RNF169: variants seen among roughly 807,000 people sequenced by gnomAD.
The protein encoded by RNF169 is ring finger protein 169.
Under a neutral mutation model 53.9 loss-of-function variants are expected in RNF169, and 24 were observed. That is an observed-to-expected ratio of 0.45 (90% CI 0.32 to 0.63). RNF169 has a LOEUF of 0.63. Among genes scored for constraint, RNF169 ranks in the 20% least tolerant of loss-of-function variants. RNF169 has a pLI of 0.04. For missense variants in RNF169, 883 were observed against 906.2 expected, an observed-to-expected ratio of 0.97 and a Z score of 0.33; for synonymous variants, 396 against 363.5, an observed-to-expected ratio of 1.09 and a Z score of -1.02.
chr11:74,827,735 G>A (rs1364691251), intron 4 of RNF169, among the ~76,000 whole-genome samples: 1 of 152,110 alleles, frequency 6.6e-6, no homozygotes, highest in African/African-American at 2.4e-5. Context: ...AAAACCATAT[G>A]ATTATCTCAA....
chr11:74,796,636 T>A (rs534200973), intron 2 of RNF169, among the ~76,000 whole-genome samples: 1 of 152,190 alleles, frequency 6.6e-6, no homozygotes, highest in Non-Finnish European at 1.5e-5. Context: ...TGGTCTTGTC[T>A]TCTTTGAATC....
chr11:74,842,088 C>T lies in RNF169; in HGVS notation c.*5358C>T, dbSNP rs2036644194. Reference sequence around the variant, plus strand: ...ATTATTGTCCTAAGGGCCTTTTCCCCTCCTGCCTAGAAAATAGGTTGTGTA... The same window carrying T: ...ATTATTGTCCTAAGGGCCTTTTCCCTTCCTGCCTAGAAAATAGGTTGTGTA... On this transcript the variant is annotated 3_prime_UTR_variant, in exon 6 of 6. Transcript: ENST00000299563. 1 of 152,154 alleles carries T rather than the reference C, an allele frequency of 6.6e-6. No individual in the cohort carries two copies. Among genetic ancestry groups the T allele is most frequent in the African/African-American group, 2.4e-5 (1 of 41,420 alleles). 9.4% of individuals were successfully genotyped at this position (152,154 alleles called of 1,614,324 possible).
intron 2 of RNF169, among the ~76,000 whole-genome samples, chr11:74,796,994 A>G (rs2035658370): frequency 6.6e-6 from 1 of 152,206 alleles, no homozygotes; most frequent in Non-Finnish European, 1.5e-5. Context: ...GTGGGGCTAC[A>G]GGCACGTACC....
intron 1 of RNF169, among the ~76,000 whole-genome samples, chr11:74,767,364 T>A (rs2035189766): frequency 6.6e-6 from 1 of 151,976 alleles, no homozygotes; most frequent in Non-Finnish European, 1.5e-5. Context: ...ATTTATTATT[T>A]AAAAAAAACT....
intron 1 of RNF169, among the ~76,000 whole-genome samples, chr11:74,750,270 C>G (rs1271332533): frequency 6.6e-6 from 1 of 152,174 alleles, no homozygotes; most frequent in African/African-American, 2.4e-5. Context: ...CACACCCAGT[C>G]AACATAACAT....
chr11:74,796,839 TC>T (rs1378348747), intron 2 of RNF169, among the ~76,000 whole-genome samples: 2 of 152,232 alleles, frequency 1.3e-5, no homozygotes, highest in African/African-American at 4.8e-5. Context: ...CTTTTTTTCT[TC>T]CTCCGTTCTG....
At chr11:74,756,907 T>G (rs77127808) in intron 1 of RNF169, among the ~76,000 whole-genome samples, 3,628 of 152,192 alleles carry the variant, frequency 0.024, 121 homozygotes, top group African/African-American at 0.083. Context: ...GCAAATAGAT[T>G]GGAGAGCCCA....
intron 1 of RNF169, among the ~76,000 whole-genome samples, chr11:74,770,251 G>A (rs2035240578): frequency 6.6e-6 from 1 of 152,246 alleles, no homozygotes; most frequent in Non-Finnish European, 1.5e-5. Flanking sequence ...GGCAGAACTT[G>A]AGAGTCTAAG....
Position 74,810,192 on chromosome 11 carries a change from AG to A in RNF169, c.586del (p.Glu196LysfsTer38). 6.2e-7 allele frequency: 1 copy of A among 1,607,168 alleles called. No individual in the cohort carries two copies. Among genetic ancestry groups the A allele is most frequent in the Non-Finnish European group, 8.5e-7 (1 of 1,178,360 alleles). On this transcript the variant is annotated frameshift_variant, in exon 3 of 6. Coordinates refer to ENST00000299563, the MANE Select transcript of RNF169 (RefSeq NM_001098638.2). LOFTEE classifies it high-confidence loss of function. ...ATAATTTATATTTTTAGCTGAGAGA[AG>A]AAAAGTTACAAGAGGAAAAACCCTC... The part of the protein sequence containing the change: ...EYESLRKLRE[E>X]KLQEEKPSED...
intron 4 of RNF169, among the ~76,000 whole-genome samples, chr11:74,829,634 C>T (rs553543026): frequency 1.3e-5 from 2 of 151,902 alleles, no homozygotes; most frequent in East Asian, 1.9e-4. Flanking sequence ...AAATGTGGTA[C>T]GTATACCCCC....
At chr11:74,814,525 G>A (rs2135123291) in intron 3 of RNF169, among the ~76,000 whole-genome samples, 1 of 151,588 alleles carries the variant, frequency 6.6e-6, no homozygotes, top group African/African-American at 2.4e-5. Flanking sequence ...GGGACCACAG[G>A]CGCCTATTAC....
intron 1 of RNF169, among the ~76,000 whole-genome samples, chr11:74,785,077 A>T (rs888354745): frequency 1.3e-5 from 2 of 150,214 alleles, no homozygotes; most frequent in South Asian, 2.1e-4. Context: ...CCGCATTCCT[A>T]TGAGGTAGCT....
rs1288123420 is a variant in RNF169 at position 74,837,042 on chromosome 11, C to A, written c.*312C>A. 1.4e-5 allele frequency: 3 copies of A among 214,890 alleles called. No homozygotes were observed. The highest frequency in any genetic ancestry group is 1.1e-4 in the Admixed American group (2 of 18,970). 13.3% of individuals were successfully genotyped at this position (214,890 alleles called of 1,614,324 possible). On this transcript the variant is annotated 3_prime_UTR_variant, in exon 6 of 6. Coordinates refer to ENST00000299563, the MANE Select transcript of RNF169 (RefSeq NM_001098638.2). ...AGTTAGTAATGGTAAAGAGGGGATA[C>A]CTTCTTAAACTGATAGACTTCCTGA...
intron 4 of RNF169, among the ~76,000 whole-genome samples, chr11:74,819,205 A>G (rs982979133): frequency 1.3e-5 from 2 of 152,150 alleles, no homozygotes; most frequent in East Asian, 1.9e-4. Flanking sequence ...TGCTGCTGCA[A>G]TTTTTATCTT....
intron 2 of RNF169, among the ~76,000 whole-genome samples, chr11:74,799,060 A>G (rs1477664316): frequency 8.5e-6 from 1 of 117,384 alleles, no homozygotes; most frequent in African/African-American, 3.4e-5. Context: ...TCTCAAAAAA[A>G]GAAAAAAAAA....
Position 74,768,780 on chromosome 11 carries a change from C to T in RNF169, c.502+19398C>T, listed in dbSNP as rs372203028. Reference sequence around the variant, plus strand: ...AAAAATTGGGCCAGGCGTGGTGGCTCATGCCTATAATCCCAGGACTTTGGG... The same window carrying T: ...AAAAATTGGGCCAGGCGTGGTGGCTTATGCCTATAATCCCAGGACTTTGGG... On this transcript the variant is annotated intron_variant, in intron 1 of 5. Transcript: ENST00000299563. 2.7e-3 allele frequency among the ~76,000 whole-genome samples: 406 copies of T among 152,204 alleles called. 2 individuals are homozygous for T. The highest frequency in any genetic ancestry group is 9.5e-3 in the African/African-American group (396 of 41,526).
rs2035620330 is a variant in RNF169 at position 74,794,502 on chromosome 11, G to T, written c.576+4803G>T. Among the ~76,000 whole-genome samples, 5 of 152,192 alleles carry T rather than the reference G, an allele frequency of 3.3e-5. No homozygotes were observed. In the South Asian group the frequency reaches 1.0e-3, roughly 31 times the overall value. On this transcript the variant is annotated intron_variant, in intron 2 of 5. Coordinates refer to ENST00000299563, the MANE Select transcript of RNF169 (RefSeq NM_001098638.2). The stretch of plus-strand genomic sequence containing the variant: ...AAATAAAGCTGGAAAGCTAGGAAGT[G>T]GTGGTCTCAATATAAAAGGCTTAAA...
At chr11:74,784,480 A>G (rs1017952745) in intron 1 of RNF169, among the ~76,000 whole-genome samples, 10 of 152,220 alleles carry the variant, frequency 6.6e-5, no homozygotes, top group African/African-American at 2.4e-4. Context: ...TGTGTGGGAC[A>G]AAGTCTGGGG....
At position 74,762,377 on chromosome 11, in the gene RNF169, G is replaced by A. The variant is rs548858448; in HGVS notation, c.502+12995G>A. On this transcript the variant is annotated intron_variant, in intron 1 of 5. Coordinates refer to ENST00000299563, the MANE Select transcript of RNF169 (RefSeq NM_001098638.2). ...TGCGTTCCTTTGGAGGAGGAGAGGC[G>A]CTCTGCCTTTTAGAGTTTCCAGTTT... Among the ~76,000 whole-genome samples the A allele has an allele frequency of 4.4e-3, 664 of 152,218 alleles. 4 individuals carry two copies. The highest frequency in any genetic ancestry group is 0.011 in the South Asian group (55 of 4,818).
Sources: gnomAD v4.1 joint callset for allele counts (sites outside exome capture counted in the v4.1 genomes callset) on GRCh38, gnomAD v4.1.1 for gene constraint, MANE v1.5 for transcripts, NCBI Gene and HGNC (gene_info 2026-07-23, HGNC 2026-07-21) for gene names.